The following PMS1 variants were observed in gnomAD, a reference collection of about 807,000 sequenced individuals.
The protein encoded by PMS1 is PMS1 protein homolog 1.
Under a neutral mutation model 93.1 loss-of-function variants are expected in PMS1, and 79 were observed. That is an observed-to-expected ratio of 0.85 (90% CI 0.71 to 1.02). The LOEUF is 1.02. Among genes scored for constraint, PMS1 ranks in the 50% least tolerant of loss-of-function variants. The pLI, the probability that PMS1 is intolerant of heterozygous loss-of-function variation, is 0.00. For synonymous variants in PMS1, 335 were observed against 363.4 expected, an observed-to-expected ratio of 0.92 and a Z score of 0.89; for missense variants, 1,064 against 1,085.3, an observed-to-expected ratio of 0.98 and a Z score of 0.28.
chr2:189,842,483 A>G (rs1241910318), intron 5 of PMS1, among the ~76,000 whole-genome samples: 1 of 152,210 alleles, frequency 6.6e-6, no homozygotes, highest in Non-Finnish European at 1.5e-5. Flanking sequence ...AAATTGCAGT[A>G]TGTCAAATCT....
At chr2:189,798,037 A>G (rs2049515598) in intron 3 of PMS1, among the ~76,000 whole-genome samples, 1 of 152,258 alleles carries the variant, frequency 6.6e-6, no homozygotes, top group Non-Finnish European at 1.5e-5. Flanking sequence ...CATGCTCAGA[A>G]CACTTACATT....
At chr2:189,834,470 C>A (rs918794166) in intron 5 of PMS1, among the ~76,000 whole-genome samples, 2 of 152,040 alleles carry the variant, frequency 1.3e-5, no homozygotes, top group Non-Finnish European at 2.9e-5. Context: ...ATTCTCATTG[C>A]AGTTGGAGGA....
At chr2:189,793,921 A>C (rs1453486709) in intron 2 of PMS1, among the ~76,000 whole-genome samples, 3 of 152,170 alleles carry the variant, frequency 2.0e-5, no homozygotes, top group Non-Finnish European at 2.9e-5. Context: ...ACATTTAAAC[A>C]AATCTTTGTG....
chr2:189,843,546 A>T (rs1251837304), intron 5 of PMS1, among the ~76,000 whole-genome samples: 4 of 152,234 alleles, frequency 2.6e-5, no homozygotes, highest in African/African-American at 9.6e-5. Flanking sequence ...GTAAAACAGT[A>T]ATACCTTACT....
intron 2 of PMS1, among the ~76,000 whole-genome samples, chr2:189,792,703 A>G (rs993220485): frequency 1.2e-4 from 18 of 145,840 alleles, no homozygotes; most frequent in African/African-American, 4.5e-4. Flanking sequence ...ATATATATAT[A>G]TATATATATA....
chr2:189,825,986 C>T (rs556520146), intron 5 of PMS1, among the ~76,000 whole-genome samples: 2 of 152,182 alleles, frequency 1.3e-5, no homozygotes, highest in East Asian at 1.9e-4. Flanking sequence ...AAAAACTGGC[C>T]GTGGAGATTT....
At position 189,873,580 on chromosome 2, in the gene PMS1, T is replaced by C. The variant is rs745418589; in HGVS notation, c.2558T>C (p.Ile853Thr). The C allele has an allele frequency of 1.2e-6, 2 of 1,601,126 alleles. No individual in the cohort carries two copies. Among genetic ancestry groups the C allele is most frequent in the East Asian group, 4.5e-5 (2 of 44,804 alleles). Residue 853 changes from isoleucine (I) to threonine (T), a missense_variant, in exon 12 of 13, where the codon ATT becomes ACT. Coordinates refer to ENST00000441310, the MANE Select transcript of PMS1 (RefSeq NM_000534.5). ...TATGGAGTAGCAGATTTAAAAGAAA[T>C]TCTTAATGCTATATTAAACAGAAAT... ...PFYGVADLKE[I>T]LNAILNRNAK...
chr2:189,789,136 G>A (rs946877543), intron 1 of PMS1, among the ~76,000 whole-genome samples: 1 of 152,160 alleles, frequency 6.6e-6, no homozygotes, highest in African/African-American at 2.4e-5. Context: ...AGGGTAGTTA[G>A]TATTTAAAAA....
At chr2:189,840,353 C>T (rs745839948) in intron 5 of PMS1, among the ~76,000 whole-genome samples, 23 of 152,148 alleles carry the variant, frequency 1.5e-4, no homozygotes, top group Non-Finnish European at 3.1e-4. Context: ...ACAGTTTGAA[C>T]AACTGGCTGC....
chr2:189,811,316 G>A (rs1212661887), intron 4 of PMS1, among the ~76,000 whole-genome samples: 2 of 150,138 alleles, frequency 1.3e-5, no homozygotes, highest in African/African-American at 2.4e-5. Context: ...GGCTGGGCAC[G>A]GTGGCTCACA....
chr2:189,796,462 C>G (rs148603746), intron 3 of PMS1, among the ~76,000 whole-genome samples: 2 of 152,262 alleles, frequency 1.3e-5, no homozygotes, highest in East Asian at 3.9e-4. Flanking sequence ...TGTCGTGTAT[C>G]TATAACCATT....
intron 4 of PMS1, among the ~76,000 whole-genome samples, chr2:189,809,736 G>C (rs948316850): frequency 4.6e-5 from 7 of 151,926 alleles, no homozygotes; most frequent in Non-Finnish European, 1.0e-4. Flanking sequence ...TCCCACTGAG[G>C]CAGGAGAATT....
At chr2:189,826,022 G>C (rs2052397455) in intron 5 of PMS1, among the ~76,000 whole-genome samples, 1 of 152,110 alleles carries the variant, frequency 6.6e-6, no homozygotes, top group Admixed American at 6.6e-5. Flanking sequence ...CTGAAGATTT[G>C]GTTTATAAGA....
At chr2:189,832,774 G>C (rs549227891) in intron 5 of PMS1, among the ~76,000 whole-genome samples, 1 of 152,292 alleles carries the variant, frequency 6.6e-6, no homozygotes, top group African/African-American at 2.4e-5. Flanking sequence ...GCAGAGAAGA[G>C]AGCTTCAAAT....
intron 5 of PMS1, among the ~76,000 whole-genome samples, chr2:189,832,862 G>T (rs1199486646): frequency 6.6e-6 from 1 of 152,090 alleles, no homozygotes; most frequent in Non-Finnish European, 1.5e-5. Flanking sequence ...TGAAATATTT[G>T]TTACTTAAAT....
chr2:189,852,969 C>G (rs2054907435), intron 7 of PMS1, among the ~76,000 whole-genome samples, 192 bp downstream of exon 7: 1 of 152,154 alleles, frequency 6.6e-6, no homozygotes, highest in Non-Finnish European at 1.5e-5. Context: ...ATTATCATCC[C>G]CATTTATAGT....
At chr2:189,835,205 C>T (rs572803149) in intron 5 of PMS1, among the ~76,000 whole-genome samples, 1 of 152,174 alleles carries the variant, frequency 6.6e-6, no homozygotes, top group African/African-American at 2.4e-5. Context: ...TGTTCTCTTT[C>T]AAGAAAAGAA....
intron 6 of PMS1, among the ~76,000 whole-genome samples, chr2:189,846,386 C>T (rs1223893770): frequency 6.6e-6 from 1 of 151,876 alleles, no homozygotes; most frequent in Non-Finnish European, 1.5e-5. Flanking sequence ...GTGGCAGGTG[C>T]CTGTAATCCC....
chr2:189,833,859 T>C (rs1422530543), intron 5 of PMS1, among the ~76,000 whole-genome samples: 1 of 152,180 alleles, frequency 6.6e-6, no homozygotes, highest in Non-Finnish European at 1.5e-5. Context: ...ATTTTTACTT[T>C]TGAGGAAAAA....
Sources: gnomAD v4.1 joint callset for allele counts (sites outside exome capture counted in the v4.1 genomes callset) on GRCh38, gnomAD v4.1.1 for gene constraint, MANE v1.5 for transcripts, NCBI Gene and HGNC (gene_info 2026-07-23, HGNC 2026-07-21) for gene names.